The following HS3ST4 variants were observed in gnomAD, a reference collection of about 807,000 sequenced individuals.
HS3ST4 encodes heparan sulfate glucosamine 3-O-sulfotransferase 4.
A neutral mutation model predicts 29.2 loss-of-function variants in HS3ST4; 17 were observed. The ratio of observed to expected loss-of-function variants is 0.58; its 90% CI spans 0.40 to 0.87. HS3ST4 has a LOEUF of 0.87. Ranked by LOEUF, HS3ST4 falls within the 40% of genes least tolerant of loss-of-function variation. The pLI is 0.00. For missense variants in HS3ST4, 627 were observed against 634.5 expected (o/e 0.99, Z 0.13); for synonymous variants, 314 against 285.7 (o/e 1.10, Z -1.00).
chr16:26,062,939 C>G, intron 1 of HS3ST4: 1 of 215,626 alleles, frequency 4.6e-6, no homozygotes, highest in East Asian at 1.1e-4. Context: ...ATCTCTTCAA[C>G]CTTCACTTTA....
intron 1 of HS3ST4, among the ~76,000 whole-genome samples, chr16:26,071,612 GT>G (rs1195686602): frequency 6.6e-6 from 1 of 152,286 alleles, no homozygotes; most frequent in Admixed American, 6.5e-5. Context: ...GAGTCGCACT[GT>G]TTACATGATG....
chr16:26,119,887 T>C (rs1026296299), intron 1 of HS3ST4, among the ~76,000 whole-genome samples: 2 of 152,112 alleles, frequency 1.3e-5, no homozygotes, highest in Non-Finnish European at 2.9e-5. Context: ...ATGAACAAGG[T>C]AATTTCAGAT....
chr16:25,711,010 A>G (rs980726211), intron 1 of HS3ST4, among the ~76,000 whole-genome samples: 6 of 149,616 alleles, frequency 4.0e-5, no homozygotes, highest in Non-Finnish European at 7.4e-5. Flanking sequence ...TTGTGTAGTG[A>G]TGGGGTCTTG....
At chr16:26,075,330 C>T (rs1265981881) in intron 1 of HS3ST4, among the ~76,000 whole-genome samples, 1 of 152,198 alleles carries the variant, frequency 6.6e-6, no homozygotes, top group Admixed American at 6.5e-5. Context: ...TCCCATAGTA[C>T]TCAGAGCACT....
rs572529025 is a variant in HS3ST4, at chr16:25,957,893, G to C, written c.735-177719G>C. On this transcript the variant is annotated intron_variant, in intron 1 of 1. Transcript: ENST00000331351. ...CTGGCTGGTGTGGGGATCAACAGGT[G>C]GCTGTTGGCTGGTGTGGGGATCAAC... Among the ~76,000 whole-genome samples, 4 of 152,204 alleles carry C rather than the reference G, an allele frequency of 2.6e-5. No homozygotes were observed. The East Asian group carries it at 7.7e-4, about 29-fold the overall frequency.
In HS3ST4 at chr16:26,135,619, A is replaced by C. The variant is rs1898272756; in HGVS notation, c.742A>C (p.Met248Leu). 1 of 1,591,604 alleles carries C rather than the reference A, an allele frequency of 6.3e-7. No individual in the cohort carries two copies. Among genetic ancestry groups the C allele is most frequent in the Non-Finnish European group, 8.5e-7 (1 of 1,169,986 alleles). Residue 248 changes from methionine to leucine, a missense_variant, in exon 2 of 2, where the codon ATG (methionine) becomes CTG (leucine). Physicochemically the swap from Met to Leu is conservative, Grantham distance 15. Transcript: ENST00000331351. ...TTTTCCTCCCTCTCCTAGAAATGTGATGCCCAAGACTTTGGATGGGCAAAT... is the reference window on the plus strand; with the variant it reads ...TTTTCCTCCCTCTCCTAGAAATGTGCTGCCCAAGACTTTGGATGGGCAAAT... ...EKGLEWYRNV[M>L]PKTLDGQITM...
intron 1 of HS3ST4, among the ~76,000 whole-genome samples, chr16:25,814,888 T>C (rs186016153): frequency 5.7e-4 from 87 of 152,318 alleles, no homozygotes; most frequent in African/African-American, 1.9e-3. Flanking sequence ...ATAAGACATA[T>C]AGAGACGCAT....
intron 1 of HS3ST4, among the ~76,000 whole-genome samples, chr16:25,959,650 C>T (rs1002737168): frequency 1.2e-4 from 18 of 152,170 alleles, no homozygotes; most frequent in Admixed American, 6.5e-5. Context: ...AGAAAGCGTA[C>T]ATCTCTAGGG....
At chr16:25,852,373 C>T (rs1447307033) in intron 1 of HS3ST4, among the ~76,000 whole-genome samples, 1 of 152,042 alleles carries the variant, frequency 6.6e-6, no homozygotes, top group East Asian at 1.9e-4. Context: ...CAACGTGTGC[C>T]ATGGTGGTTT....
At chr16:25,746,671 C>T (rs1966687569) in intron 1 of HS3ST4, among the ~76,000 whole-genome samples, 1 of 151,394 alleles carries the variant, frequency 6.6e-6, no homozygotes, top group African/African-American at 2.4e-5. Context: ...CCTGCCTCAG[C>T]CTCCTGAGTA....
intron 1 of HS3ST4, among the ~76,000 whole-genome samples, chr16:25,736,484 G>C (rs975989129): frequency 2.0e-5 from 3 of 152,084 alleles, no homozygotes; most frequent in Non-Finnish European, 4.4e-5. Context: ...AGATTTCCTC[G>C]AATCTGTAAG....
chr16:26,093,491 C>CA (rs1898883185), intron 1 of HS3ST4, among the ~76,000 whole-genome samples: 1 of 152,182 alleles, frequency 6.6e-6, no homozygotes, highest in Non-Finnish European at 1.5e-5. Context: ...GGACCTCCAG[C>CA]AAACCCCAAC....
At chr16:25,982,638 G>A (rs748860189) in intron 1 of HS3ST4, among the ~76,000 whole-genome samples, 7 of 152,120 alleles carry the variant, frequency 4.6e-5, no homozygotes, top group Non-Finnish European at 7.4e-5. Flanking sequence ...GACCAGCCTC[G>A]TCAACATAGT....
rs187405080 is a variant in HS3ST4, at chr16:26,025,681, T to C, written c.735-109931T>C. The stretch of plus-strand genomic sequence containing the variant: ...CCTATGCCTCTGCAACATTGATTGA[T>C]GTCACATCATGGGATCGTAGGCAAT... On this transcript the variant is annotated intron_variant, in intron 1 of 1. Coordinates refer to ENST00000331351, the MANE Select transcript of HS3ST4 (RefSeq NM_006040.3). 4.7e-3 allele frequency among the ~76,000 whole-genome samples: 721 copies of C among 152,350 alleles called. 4 individuals are homozygous for C. The highest frequency in any genetic ancestry group is 8.2e-3 in the Non-Finnish European group (561 of 68,026).
At chr16:26,087,169 T>C (rs1410854026) in intron 1 of HS3ST4, among the ~76,000 whole-genome samples, 1 of 152,272 alleles carries the variant, frequency 6.6e-6, no homozygotes, top group Non-Finnish European at 1.5e-5. Context: ...TTCATTTCCC[T>C]GATGGGACTT....
chr16:25,821,293 G>C lies in HS3ST4; in HGVS notation c.734+128142G>C, dbSNP rs148584541. Among the ~76,000 whole-genome samples the C allele has an allele frequency of 2.6e-5, 4 of 152,100 alleles. No homozygotes were observed. In the South Asian group the frequency reaches 6.2e-4, roughly 24 times the overall value. ...AGGATGGTCTCGATCTCCTGACCTC[G>C]TGATCCACCTGCTTTGGCCTCCCGC... is the stretch of plus-strand genomic sequence containing the variant. On this transcript the variant is annotated intron_variant, in intron 1 of 1. Coordinates refer to ENST00000331351, the MANE Select transcript of HS3ST4 (RefSeq NM_006040.3).
At chr16:26,004,191 C>G (rs1969237088) in intron 1 of HS3ST4, among the ~76,000 whole-genome samples, 1 of 152,132 alleles carries the variant, frequency 6.6e-6, no homozygotes, top group Non-Finnish European at 1.5e-5. Context: ...GCCATCCTGA[C>G]AAATAATATT....
intron 1 of HS3ST4, among the ~76,000 whole-genome samples, chr16:25,861,779 C>T (rs528562739): frequency 6.6e-6 from 1 of 152,132 alleles, no homozygotes; most frequent in African/African-American, 2.4e-5. Flanking sequence ...TACCACTTAT[C>T]CTCCCTTAAC....
chr16:25,938,195 C>G (rs1469109793), intron 1 of HS3ST4, among the ~76,000 whole-genome samples: 1 of 152,062 alleles, frequency 6.6e-6, no homozygotes, highest in Non-Finnish European at 1.5e-5. Context: ...CCCAGCAAGA[C>G]AAGAAGATCA....
Sources: allele counts gnomAD v4.1 joint callset (sites outside exome capture counted in the v4.1 genomes callset), GRCh38; gene constraint gnomAD v4.1.1; transcripts MANE v1.5; gene names NCBI Gene and HGNC (gene_info 2026-07-23, HGNC 2026-07-21).